The following JAKMIP3 variants were observed in gnomAD, a reference collection of about 807,000 sequenced individuals.
The protein encoded by JAKMIP3 is janus kinase and microtubule-interacting protein 3.
JAKMIP3 carries 58 observed loss-of-function variants against 118.5 expected under a neutral mutation model. The observed-to-expected ratio is 0.49, with a 90% CI of 0.40 to 0.61. The LOEUF (loss-of-function observed/expected upper bound fraction) is 0.61, where lower values mean the gene tolerates loss of function less well. JAKMIP3 is among the 20% of genes least tolerant of loss of function. The pLI, the probability that JAKMIP3 is intolerant of heterozygous loss-of-function variation, is 0.00. For synonymous variants in JAKMIP3, 486 were observed against 451.2 expected, an observed-to-expected ratio of 1.08 and a Z score of -0.98; for missense variants, 950 against 1,109.0, an observed-to-expected ratio of 0.86 and a Z score of 2.04.
At position 132,168,519 on chromosome 10, in the gene JAKMIP3, T is replaced by C. The variant is rs982822504; in HGVS notation, c.*589T>C. 1.9e-5 allele frequency: 11 copies of C among 582,416 alleles called. No homozygotes were observed. In the Admixed American group the frequency reaches 3.1e-4, roughly 16 times the overall value. The allele number at this position is 582,416 out of a possible 1,614,324, so 36.1% of individuals were successfully genotyped here. On this transcript the variant is annotated 3_prime_UTR_variant, in exon 23 of 24. Transcript: ENST00000684848. The stretch of plus-strand genomic sequence containing the variant: ...ATGCTGCAATATGTTGCTGGGGTCC[T>C]GAGCACCCGCTGGCCAACAGACCCC...
chr10:132,090,692 G>T (rs1238906438), intron 1 of JAKMIP3, among the ~76,000 whole-genome samples: 2 of 152,050 alleles, frequency 1.3e-5, no homozygotes, highest in East Asian at 1.9e-4. Flanking sequence ...AAGGGTTTTT[G>T]TCTCTATCTC....
intron 2 of JAKMIP3, among the ~76,000 whole-genome samples, chr10:132,111,909 C>A: frequency 6.6e-6 from 1 of 152,006 alleles, no homozygotes; most frequent in Non-Finnish European, 1.5e-5. Flanking sequence ...GGGTGGCAGC[C>A]GTGGAGGGGC....
chr10:132,180,788 T>TGTGTGTGCGCGTGTGTGTGTGCGCGCGC (rs1491365450), intron 23 of JAKMIP3, among the ~76,000 whole-genome samples: 1 of 10,730 alleles, frequency 9.3e-5, no homozygotes, highest in Admixed American at 1.0e-3. Context: ...TGTGTGCGCG[T>TGTGTGTGCGCGTGTGTGTGTGCGCGCGC]ATGCATGTGC....
chr10:132,180,747 G>A (rs1312759441), intron 23 of JAKMIP3, among the ~76,000 whole-genome samples: 1 of 20,520 alleles, frequency 4.9e-5, no homozygotes, highest in African/African-American at 4.7e-4. Context: ...GCGTGCGTGC[G>A]CGCGCGTGTG....
At chr10:132,137,222 C>A (rs375263567) in intron 7 of JAKMIP3, 32 bp from the exon 8 acceptor site, 182 of 1,613,794 alleles carry the variant, frequency 1.1e-4, no homozygotes, top group Admixed American at 5.8e-4. Context: ...GGACCCTGAG[C>A]AATTCCGTAA....
At chr10:132,164,026 C>T (rs140190337) in intron 20 of JAKMIP3, among the ~76,000 whole-genome samples, 93 of 152,332 alleles carry the variant, frequency 6.1e-4, no homozygotes, top group African/African-American at 2.1e-3. Flanking sequence ...GGCTGGGAGG[C>T]GGCTTTATGG....
At position 132,168,341 on chromosome 10, in the gene JAKMIP3, C is replaced by G; in HGVS notation, c.*411C>G. On this transcript the variant is annotated 3_prime_UTR_variant, in exon 23 of 24. Transcript: ENST00000684848. ...TCCTCTCTCTTGGTTCTCACAGTAG[C>G]TGCCACTGGTGTCTGGAGGAAGATT... The G allele has an allele frequency of 7.8e-7, 1 of 1,289,582 alleles. No homozygotes were observed. The highest frequency in any genetic ancestry group is 1.0e-6 in the Non-Finnish European group (1 of 988,838). 79.9% of individuals were successfully genotyped at this position (1,289,582 alleles called of 1,614,324 possible).
upstream of JAKMIP3, among the ~76,000 whole-genome samples, chr10:132,065,421 C>A (rs781433202): frequency 8.2e-6 from 1 of 121,316 alleles, no homozygotes. The surrounding 1 kb of genome is among the most constrained non-coding windows in gnomAD (Gnocchi z 5.6). Flanking sequence ...AAATAGATAC[C>A]CTCAGAGTGG....
chr10:132,113,174 T>C (rs1429935382), intron 2 of JAKMIP3, among the ~76,000 whole-genome samples: 1 of 152,174 alleles, frequency 6.6e-6, no homozygotes, highest in Non-Finnish European at 1.5e-5. Context: ...GCTCAGGAGG[T>C]AGATGATCTG....
At chr10:132,082,195 G>A (rs1270848946) in intron 1 of JAKMIP3, among the ~76,000 whole-genome samples, 1 of 146,170 alleles carries the variant, frequency 6.8e-6, no homozygotes, top group Admixed American at 6.8e-5. Context: ...ATTTTTTTTT[G>A]CTTCCCTTTT....
chr10:132,135,111 G>A lies in JAKMIP3; in HGVS notation c.920G>A (p.Arg307His), dbSNP rs748653505. ...LKIAELSAII[R>H]KLEDRNALLS... The stretch of plus-strand genomic sequence containing the variant: ...ATCGCGGAGTTAAGTGCGATTATCC[G>A]CAAACTGGAGGACCGCAATGCATTG... Residue 307 changes from arginine (R) to histidine (H), a missense_variant, in exon 5 of 24, where the codon CGC becomes CAC. Physicochemically the swap from Arg to His is conservative, Grantham distance 29. Transcript: ENST00000684848. 15 of 1,613,156 alleles carry A rather than the reference G, an allele frequency of 9.3e-6. No individual in the cohort carries two copies. Among genetic ancestry groups the A allele is most frequent in the East Asian group, 2.2e-5 (1 of 44,884 alleles).
chr10:132,098,815 C>T (rs962307632), intron 1 of JAKMIP3, among the ~76,000 whole-genome samples: 9 of 152,170 alleles, frequency 5.9e-5, no homozygotes, highest in African/African-American at 1.2e-4. Context: ...GCTGGATTTA[C>T]GACACTGGTC....
intron 1 of JAKMIP3, among the ~76,000 whole-genome samples, chr10:132,041,780 C>G (rs1043538843): frequency 6.6e-6 from 1 of 152,242 alleles, no homozygotes; most frequent in Non-Finnish European, 1.5e-5. Context: ...GACACCTGCT[C>G]TGCCTGGGAT....
At chr10:132,060,149 G>C (rs74788106), upstream of JAKMIP3, among the ~76,000 whole-genome samples, 10,576 of 152,306 alleles carry the variant, frequency 0.069, 376 homozygotes, top group African/African-American at 0.083. Context: ...AGCACCAAGA[G>C]AGGGCAGAAA....
At chr10:132,124,551 C>T (rs2049155435) in intron 3 of JAKMIP3, among the ~76,000 whole-genome samples, 1 of 149,046 alleles carries the variant, frequency 6.7e-6, no homozygotes, top group Admixed American at 6.7e-5. Context: ...TGGCCAGCCG[C>T]ATCGCACACG....
At chr10:132,100,366 G>C (rs922619513) in intron 1 of JAKMIP3, among the ~76,000 whole-genome samples, 11 of 152,158 alleles carry the variant, frequency 7.2e-5, no homozygotes, top group Non-Finnish European at 1.5e-4. Context: ...CCAAGGTGGG[G>C]GTGTCTGGGC....
chr10:132,110,471 C>T (rs900893200), intron 2 of JAKMIP3, among the ~76,000 whole-genome samples: 1 of 152,230 alleles, frequency 6.6e-6, no homozygotes, highest in Admixed American at 6.5e-5. Flanking sequence ...CATTGAACAG[C>T]CGAGGGAGGG....
intron 14 of JAKMIP3, among the ~76,000 whole-genome samples, chr10:132,149,200 G>T (rs2055317204): frequency 6.6e-6 from 1 of 152,100 alleles, no homozygotes; most frequent in African/African-American, 2.4e-5. Flanking sequence ...GCACATCTGG[G>T]GTCAGCGAAT....
chr10:132,120,526 T>C (rs1278103363), intron 3 of JAKMIP3, among the ~76,000 whole-genome samples: 1 of 152,246 alleles, frequency 6.6e-6, no homozygotes, highest in Admixed American at 6.5e-5. Context: ...TCTATCTGTC[T>C]ATATCCTGGT....
Sources: gnomAD v4.1 joint callset for allele counts (sites outside exome capture counted in the v4.1 genomes callset) on GRCh38, gnomAD v4.1.1 for gene constraint, Gnocchi (gnomAD v3.1) non-coding constraint, MANE v1.5 for transcripts, NCBI Gene and HGNC (gene_info 2026-07-23, HGNC 2026-07-21) for gene names.